Variants in NAALADL2 observed in about 807,000 individuals in gnomAD.
NAALADL2 encodes inactive N-acetylated-alpha-linked acidic dipeptidase-like protein 2.
NAALADL2 carries 76 observed loss-of-function variants against 87.2 expected under a neutral mutation model. The ratio of observed to expected loss-of-function variants is 0.87; its 90% confidence interval spans 0.72 to 1.05. NAALADL2 has a LOEUF of 1.05. NAALADL2 is among the 50% of genes least tolerant of loss of function. The pLI is 0.00. For synonymous variants in NAALADL2, 354 were observed against 331.0 expected (o/e 1.07, Z -0.75); for missense variants, 1,089 against 945.8 (o/e 1.15, Z -1.99).
chr3:175,681,776 C>G (rs1044215006), intron 11 of NAALADL2, among the ~76,000 whole-genome samples: 1 of 152,086 alleles, frequency 6.6e-6, no homozygotes. Context: ...CTGAAAAATG[C>G]AGCTGTCTTA....
chr3:175,573,905 T>G (rs1718472991), intron 9 of NAALADL2, among the ~76,000 whole-genome samples: 1 of 152,040 alleles, frequency 6.6e-6, no homozygotes, highest in African/African-American at 2.4e-5. Context: ...ATTTCCAAAG[T>G]GGTTAATCAG....
intron 1 of NAALADL2, among the ~76,000 whole-genome samples, chr3:174,911,458 G>C (rs1733695108): frequency 6.6e-6 from 1 of 152,104 alleles, no homozygotes; most frequent in African/African-American, 2.4e-5. Context: ...ATGAGGCAGT[G>C]GATGGAAGTG....
intron 11 of NAALADL2, among the ~76,000 whole-genome samples, chr3:175,635,438 A>G (rs555514949): frequency 6.6e-6 from 1 of 152,288 alleles, no homozygotes; most frequent in South Asian, 2.1e-4. Context: ...ATAAATATAT[A>G]AAGACTGATT....
chr3:174,909,683 A>G (rs1487575114), intron 1 of NAALADL2, among the ~76,000 whole-genome samples: 1 of 152,100 alleles, frequency 6.6e-6, no homozygotes, highest in African/African-American at 2.4e-5. Flanking sequence ...ATGGCACTTT[A>G]GATAATTTGA....
intron 9 of NAALADL2, among the ~76,000 whole-genome samples, chr3:175,544,007 A>C (rs1461717150): frequency 6.6e-6 from 1 of 152,186 alleles, no homozygotes; most frequent in African/African-American, 2.4e-5. Context: ...TTCTCAGAAC[A>C]TAAAAGCATA....
At chr3:175,243,531 CTT>C (rs3066298) in intron 3 of NAALADL2, among the ~76,000 whole-genome samples, 25,247 of 83,920 alleles carry the variant, frequency 0.3, 3,807 homozygotes, top group East Asian at 0.49. Flanking sequence ...CACATCAGGA[CTT>C]TTTTTTTTTT....
intron 2 of NAALADL2, among the ~76,000 whole-genome samples, chr3:175,230,045 A>G (rs1038705226): frequency 6.6e-6 from 1 of 152,012 alleles, no homozygotes; most frequent in African/African-American, 2.4e-5. Context: ...ATGGCAACTC[A>G]TATACGACAG....
chr3:175,255,360 G>C (rs773758070), intron 3 of NAALADL2, among the ~76,000 whole-genome samples: 1 of 152,168 alleles, frequency 6.6e-6, no homozygotes, highest in Admixed American at 6.5e-5. Context: ...GAAGTATTAT[G>C]TATGAAACTT....
At chr3:175,118,164 C>T (rs560097707) in intron 2 of NAALADL2, among the ~76,000 whole-genome samples, 54 of 151,820 alleles carry the variant, frequency 3.6e-4, no homozygotes, top group Admixed American at 7.9e-4. Context: ...ATGTAAATGA[C>T]GAGTTAATGG....
intron 4 of NAALADL2, among the ~76,000 whole-genome samples, chr3:175,261,112 G>A (rs965655176): frequency 3.9e-5 from 6 of 152,050 alleles, no homozygotes; most frequent in Admixed American, 1.3e-4. Context: ...TTTTAGCTAC[G>A]TATTTATAAC....
At chr3:174,843,717 C>G (rs770157288) in intron 3 of NAALADL2, among the ~76,000 whole-genome samples, 2 of 152,044 alleles carry the variant, frequency 1.3e-5, no homozygotes, top group South Asian at 2.1e-4. Flanking sequence ...TGGTAATGGC[C>G]ATTCTAACTA....
intron 1 of NAALADL2, among the ~76,000 whole-genome samples, chr3:174,535,728 T>G (rs1721663899): frequency 2.0e-5 from 3 of 152,108 alleles, no homozygotes; most frequent in Admixed American, 1.3e-4. Context: ...ATGCTGTGGG[T>G]TACATTGCCA....
intron 9 of NAALADL2, among the ~76,000 whole-genome samples, chr3:175,499,462 G>A (rs1198985524): frequency 6.6e-6 from 1 of 150,892 alleles, no homozygotes; most frequent in East Asian, 1.9e-4. Context: ...TTTTAAATTG[G>A]GTACAAAATG....
intron 5 of NAALADL2, among the ~76,000 whole-genome samples, chr3:175,366,000 C>T (rs1176632100): frequency 7.7e-6 from 1 of 129,074 alleles, no homozygotes; most frequent in African/African-American, 2.8e-5. Context: ...AGGTATATCT[C>T]CTAATGCTAA....
At chr3:175,403,914 T>C (rs187962564) in intron 5 of NAALADL2, among the ~76,000 whole-genome samples, 2 of 152,260 alleles carry the variant, frequency 1.3e-5, no homozygotes, top group Admixed American at 1.3e-4. Context: ...CAAATATTTA[T>C]AAAGTGTTAA....
chr3:174,508,115 T>TTTTTTTTTGTTTG (rs1560020989), intron 1 of NAALADL2, among the ~76,000 whole-genome samples: 5 of 73,044 alleles, frequency 6.8e-5, no homozygotes, highest in East Asian at 3.2e-4. Flanking sequence ...TATCTAGTGG[T>TTTTTTTTTGTTTG]TTTTTTTTTT....
chr3:174,949,337 C>T (rs1401929583), intron 1 of NAALADL2, among the ~76,000 whole-genome samples: 4 of 152,074 alleles, frequency 2.6e-5, no homozygotes, highest in African/African-American at 4.8e-5. Flanking sequence ...GACCTAGCCT[C>T]GAAAGTCACA....
chr3:175,697,829 ATGTG>A (rs1553953009), intron 11 of NAALADL2, among the ~76,000 whole-genome samples: 6 of 102,012 alleles, frequency 5.9e-5, no homozygotes, highest in African/African-American at 7.5e-5. Flanking sequence ...ATACATATAT[ATGTG>A]TATTTATGTA....
At chr3:174,896,333 G>T (rs112206234) in intron 1 of NAALADL2, among the ~76,000 whole-genome samples, 84 of 152,124 alleles carry the variant, frequency 5.5e-4, no homozygotes, top group African/African-American at 1.9e-3. Context: ...ATTCATTCAA[G>T]TTGCAGGATA....
Sources: gnomAD v4.1 joint callset for allele counts (sites outside exome capture counted in the v4.1 genomes callset) on GRCh38, gnomAD v4.1.1 for gene constraint, MANE v1.5 for transcripts, NCBI Gene and HGNC (gene_info 2026-07-23, HGNC 2026-07-21) for gene names.